Variants in CADM2 observed in about 807,000 individuals in gnomAD.
CADM2 encodes immunoglobulin superfamily member 4D.
CADM2 carries 12 observed loss-of-function variants against 49.8 expected under a neutral mutation model. That is an observed-to-expected ratio of 0.24 (90% CI 0.15 to 0.39). CADM2 has a LOEUF of 0.39. Among genes scored for constraint, CADM2 ranks in the 10% least tolerant of loss-of-function variants. The pLI, the probability that CADM2 is intolerant of heterozygous loss-of-function variation, is 1.00. For synonymous variants in CADM2, 214 were observed against 175.4 expected, an observed-to-expected ratio of 1.22 and a Z score of -1.74; for missense variants, 378 against 492.3, an observed-to-expected ratio of 0.77 and a Z score of 2.20.
intron 1 of CADM2, among the ~76,000 whole-genome samples, chr3:85,444,504 C>T (rs890194737): frequency 1.3e-5 from 2 of 151,618 alleles, no homozygotes; most frequent in Non-Finnish European, 2.9e-5. Context: ...CTGTTCTCTC[C>T]ACATTTGGAA....
intron 1 of CADM2, among the ~76,000 whole-genome samples, chr3:85,536,499 T>A (rs1006281730): frequency 2.6e-5 from 4 of 151,930 alleles, no homozygotes; most frequent in Non-Finnish European, 5.9e-5. Flanking sequence ...AAAAATGACA[T>A]TTATTATTTT....
chr3:85,681,152 G>T (rs1212183623), intron 1 of CADM2, among the ~76,000 whole-genome samples: 2 of 152,000 alleles, frequency 1.3e-5, no homozygotes, highest in African/African-American at 4.8e-5. Context: ...TTGGCACACT[G>T]GGGCCTAAAT....
At chr3:85,090,941 AG>A (rs2037572660) in intron 1 of CADM2, among the ~76,000 whole-genome samples, 1 of 152,152 alleles carries the variant, frequency 6.6e-6, no homozygotes, top group Non-Finnish European at 1.5e-5. Flanking sequence ...GGTATCAAAA[AG>A]GTTGGGGACC....
At chr3:85,292,442 A>T (rs1159982059) in intron 1 of CADM2, among the ~76,000 whole-genome samples, 1 of 151,510 alleles carries the variant, frequency 6.6e-6, no homozygotes, top group Non-Finnish European at 1.5e-5. Flanking sequence ...AGCAGACCTA[A>T]TAGACATCTA....
intron 8 of CADM2, chr3:86,013,675 T>C (rs769135115): frequency 1.4e-4 from 217 of 1,602,128 alleles, no homozygotes; most frequent in Non-Finnish European, 1.8e-4. Flanking sequence ...CTAACTGTGT[T>C]GGTGGGGTTT....
intron 8 of CADM2, among the ~76,000 whole-genome samples, chr3:85,963,321 T>C (rs759917002): frequency 7.2e-5 from 11 of 151,974 alleles, no homozygotes; most frequent in Non-Finnish European, 1.5e-4. Context: ...ATTAGACTGA[T>C]AAATTGTATT....
intron 6 of CADM2, 131 bp downstream of exon 6, chr3:85,912,674 A>T: frequency 2.5e-6 from 2 of 803,428 alleles, no homozygotes; most frequent in Non-Finnish European, 4.0e-6. Context: ...AAGTAAAACT[A>T]CATTCACTAG....
At chr3:85,166,740 C>T (rs1320790684) in intron 1 of CADM2, among the ~76,000 whole-genome samples, 1 of 151,872 alleles carries the variant, frequency 6.6e-6, no homozygotes, top group Non-Finnish European at 1.5e-5. Flanking sequence ...AGTTTAAATA[C>T]TGTTTTTAGA....
At chr3:85,390,232 G>T (rs540340023) in intron 1 of CADM2, among the ~76,000 whole-genome samples, 1 of 151,940 alleles carries the variant, frequency 6.6e-6, no homozygotes, top group Non-Finnish European at 1.5e-5. Flanking sequence ...CATGGAGAAA[G>T]AATTAACTCT....
chr3:85,266,202 T>C (rs1300613060), intron 1 of CADM2, among the ~76,000 whole-genome samples: 1 of 151,912 alleles, frequency 6.6e-6, no homozygotes, highest in Admixed American at 6.6e-5. Flanking sequence ...ATAAAAATAT[T>C]TGCTATTTCC....
chr3:85,004,110 A>G (rs758972580), intron 1 of CADM2, among the ~76,000 whole-genome samples: 2 of 152,156 alleles, frequency 1.3e-5, no homozygotes, highest in African/African-American at 4.8e-5. Flanking sequence ...ACATGATTAA[A>G]TTGTTGATTG....
intron 8 of CADM2, among the ~76,000 whole-genome samples, chr3:86,041,021 A>G (rs199789452): frequency 0.042 from 6,321 of 152,196 alleles, 358 homozygotes; most frequent in East Asian, 0.21. Context: ...CTTTACAGAC[A>G]AGCAAATGCT....
chr3:85,017,074 A>G (rs2034282479), intron 1 of CADM2, among the ~76,000 whole-genome samples: 1 of 152,218 alleles, frequency 6.6e-6, no homozygotes, highest in African/African-American at 2.4e-5. Context: ...AGGAACAGGT[A>G]ATCAGCTATT....
intron 8 of CADM2, among the ~76,000 whole-genome samples, chr3:85,965,293 T>G (rs1725337367): frequency 6.8e-6 from 1 of 146,294 alleles, no homozygotes; most frequent in African/African-American, 2.5e-5. Flanking sequence ...ATAATAAATA[T>G]TTAAATATAA....
At chr3:85,360,467 G>C (rs1383198452) in intron 1 of CADM2, among the ~76,000 whole-genome samples, 1 of 152,026 alleles carries the variant, frequency 6.6e-6, no homozygotes, top group Non-Finnish European at 1.5e-5. Context: ...CTTATTTTTG[G>C]ATTCATGTAT....
intron 3 of CADM2, among the ~76,000 whole-genome samples, chr3:85,838,745 C>A (rs1293150345): frequency 1.3e-5 from 2 of 151,384 alleles, no homozygotes; most frequent in Admixed American, 6.6e-5. Context: ...TATATTTATA[C>A]AATATATAAA....
chr3:85,192,437 TTAGCCA>T (rs1394740108), intron 1 of CADM2, among the ~76,000 whole-genome samples: 1 of 152,022 alleles, frequency 6.6e-6, no homozygotes, highest in East Asian at 1.9e-4. Context: ...TCATCTTTCC[TTAGCCA>T]TTGCAAAGAC....
rs192023178 is a variant in CADM2 at position 85,577,477 on chromosome 3, G to A, written c.62-149045G>A. ...TCCTCCTTCTGCCATGCAGCAAGAA[G>A]GCCTTCAGCAGATGCAGCCCCCTCA... On this transcript the variant is annotated intron_variant, in intron 1 of 9. Transcript: ENST00000383699. 5.3e-5 allele frequency among the ~76,000 whole-genome samples: 8 copies of A among 152,224 alleles called. No individual in the cohort carries two copies. The East Asian group carries it at 1.2e-3, about 22-fold the overall frequency.
intron 3 of CADM2, among the ~76,000 whole-genome samples, chr3:85,854,173 TAGC>T (rs1176263189): frequency 1.3e-5 from 2 of 152,204 alleles, no homozygotes; most frequent in Non-Finnish European, 2.9e-5. Flanking sequence ...AGTAAGTAGA[TAGC>T]AGACTGGAAT....
Sources: gnomAD v4.1 joint callset for allele counts (sites outside exome capture counted in the v4.1 genomes callset) on GRCh38, gnomAD v4.1.1 for gene constraint, MANE v1.5 for transcripts, NCBI Gene and HGNC (gene_info 2026-07-23, HGNC 2026-07-21) for gene names.